Variants in OTOGL observed in about 807,000 individuals in gnomAD.
OTOGL encodes the protein otogelin-like protein.
Under a neutral mutation model 318.5 loss-of-function variants are expected in OTOGL, and 285 were observed. The observed-to-expected ratio is 0.89, with a 90% CI of 0.81 to 0.99. The LOEUF (loss-of-function observed/expected upper bound fraction) is 0.99, where lower values mean the gene tolerates loss of function less well. Among genes scored for constraint, OTOGL ranks in the 50% least tolerant of loss-of-function variants. The pLI, the probability that OTOGL is intolerant of heterozygous loss-of-function variation, is 0.00. For synonymous variants in OTOGL, 987 were observed against 936.5 expected (o/e 1.05, Z -0.99); for missense variants, 2,899 against 2,845.6 (o/e 1.02, Z -0.43).
intron 26 of OTOGL, 37 bp from the exon 27 acceptor site, chr12:80,296,790 A>G: frequency 7.5e-7 from 1 of 1,327,592 alleles, no homozygotes. Context: ...TATAGGTTGT[A>G]TATATTTGTA....
intron 8 of OTOGL, among the ~76,000 whole-genome samples, chr12:80,230,466 C>T (rs762245440): frequency 2.4e-4 from 37 of 152,050 alleles, no homozygotes; most frequent in Non-Finnish European, 1.5e-4. Flanking sequence ...TTAGGATTCT[C>T]TATATGGAAT....
In OTOGL at chr12:80,355,721, G is replaced by A. The variant is rs1179299142; in HGVS notation, c.5594-15G>A. 6.2e-7 allele frequency: 1 copy of A among 1,602,354 alleles called. No homozygotes were observed. The highest frequency in any genetic ancestry group is 1.7e-5 in the Admixed American group (1 of 58,772). On this transcript the variant is annotated splice_polypyrimidine_tract_variant and intron_variant, in intron 46 of 58. Transcript: ENST00000547103. ...CCCAGGTTTTGAGTGTTATAATACT[G>A]TTGATCTTTTTAAGCATGCACTGAT...
chr12:80,249,238 G>A (rs1226015817), intron 11 of OTOGL, among the ~76,000 whole-genome samples: 14 of 149,912 alleles, frequency 9.3e-5, no homozygotes, highest in African/African-American at 2.5e-4. Context: ...GAGGAGAGGC[G>A]CTCTGCGTTT....
intron 1 of OTOGL, among the ~76,000 whole-genome samples, chr12:80,148,673 C>G (rs1205151144): frequency 1.3e-5 from 2 of 152,186 alleles, no homozygotes; most frequent in African/African-American, 2.4e-5. Context: ...CCATTCTCCT[C>G]GTCACTTTCA....
intron 1 of OTOGL, among the ~76,000 whole-genome samples, chr12:80,199,512 C>T (rs1343338642): frequency 1.3e-5 from 2 of 152,186 alleles, no homozygotes; most frequent in African/African-American, 4.8e-5. Context: ...ATTCATTGAG[C>T]TATTTCTTCT....
intron 1 of OTOGL, among the ~76,000 whole-genome samples, chr12:80,191,338 T>A (rs1001121885): frequency 6.6e-6 from 1 of 152,140 alleles, no homozygotes; most frequent in African/African-American, 2.4e-5. Context: ...CTCGGGAGGC[T>A]GAGACAGGAG....
intron 1 of OTOGL, among the ~76,000 whole-genome samples, chr12:80,106,938 A>G (rs1316792664): frequency 6.6e-6 from 1 of 151,780 alleles, no homozygotes; most frequent in Non-Finnish European, 1.5e-5. Context: ...TAAAAATTTT[A>G]ATGAATTACC....
chr12:80,213,735 A>G (rs1451677698), intron 4 of OTOGL, among the ~76,000 whole-genome samples: 1 of 152,172 alleles, frequency 6.6e-6, no homozygotes, highest in Non-Finnish European at 1.5e-5. Context: ...GACTTGTACT[A>G]CTTCCTAAGG....
At chr12:80,250,474 G>C (rs1390318615) in intron 11 of OTOGL, among the ~76,000 whole-genome samples, 1 of 152,128 alleles carries the variant, frequency 6.6e-6, no homozygotes, top group African/African-American at 2.4e-5. Context: ...CACCGTTAAT[G>C]TAGGAAAGAA....
intron 37 of OTOGL, among the ~76,000 whole-genome samples, chr12:80,330,771 T>C (rs1888018278): frequency 6.6e-6 from 1 of 152,192 alleles, no homozygotes; most frequent in Admixed American, 6.5e-5. Flanking sequence ...ATCATATGAG[T>C]TCAGCAAGGT....
intron 1 of OTOGL, among the ~76,000 whole-genome samples, chr12:80,126,928 C>T (rs933257276): frequency 6.6e-5 from 10 of 152,190 alleles, no homozygotes; most frequent in Admixed American, 1.3e-4. Flanking sequence ...TTTGAGCCTA[C>T]GTGTGTCTCT....
chr12:80,276,650 C>T (rs1047577534), intron 24 of OTOGL, among the ~76,000 whole-genome samples: 1 of 151,612 alleles, frequency 6.6e-6, no homozygotes. Flanking sequence ...ATTCAAAGCT[C>T]AGGATGCATA....
intron 57 of OTOGL, among the ~76,000 whole-genome samples, chr12:80,373,191 T>C (rs1451743687): frequency 6.6e-6 from 1 of 152,082 alleles, no homozygotes; most frequent in Non-Finnish European, 1.5e-5. Context: ...CACAGCACTT[T>C]GGGAGGCCAA....
At position 80,209,493 on chromosome 12, in the gene OTOGL, TG is replaced by T. The variant is rs376104832; in HGVS notation, c.63del (p.Leu22CysfsTer14). 92 of 1,497,204 alleles carry T rather than the reference TG, an allele frequency of 6.1e-5. No homozygotes were observed. Among genetic ancestry groups the T allele is most frequent in the Non-Finnish European group, 7.9e-5 (88 of 1,114,584 alleles). The allele number at this position is 1,497,204 out of a possible 1,614,324, so 92.7% of individuals were successfully genotyped here. Reference sequence around the variant, plus strand: ...TGGAGTATATTCTTGCTTCATGTACTGCTGTTTTCATTACAAGGTAAGAACT... The same window carrying T: ...TGGAGTATATTCTTGCTTCATGTACTCTGTTTTCATTACAAGGTAAGAACT... The part of the protein sequence containing the change: ...IPWSIFLLHV[L>X]LFSLQEYICA... On this transcript the variant is annotated frameshift_variant, in exon 2 of 59. Transcript: ENST00000547103. LOFTEE classifies it high-confidence loss of function.
intron 57 of OTOGL, 133 bp downstream of exon 57, chr12:80,372,197 T>C (rs1278003473): frequency 8.8e-6 from 5 of 568,138 alleles, no homozygotes; most frequent in Non-Finnish European, 1.3e-5. Flanking sequence ...TATTTTTGTA[T>C]CGTATGTTTT....
chr12:80,125,707 A>G (rs1258710818), intron 1 of OTOGL, among the ~76,000 whole-genome samples: 3 of 152,078 alleles, frequency 2.0e-5, no homozygotes, highest in African/African-American at 7.2e-5. Flanking sequence ...TTATTGCCTC[A>G]ATTTCAGAGC....
intron 43 of OTOGL, among the ~76,000 whole-genome samples, chr12:80,341,091 G>A (rs940462079): frequency 6.6e-6 from 1 of 152,064 alleles, no homozygotes; most frequent in African/African-American, 2.4e-5. Context: ...ATAGCCCAGA[G>A]TCTTGGGAAT....
chr12:80,260,134 A>C (rs1882408335), intron 18 of OTOGL, among the ~76,000 whole-genome samples: 1 of 152,154 alleles, frequency 6.6e-6, no homozygotes, highest in African/African-American at 2.4e-5. Context: ...GAACTGAGGT[A>C]GAATGTTTAG....
intron 7 of OTOGL, 101 bp from the exon 8 acceptor site, chr12:80,229,156 G>A (rs1879139458): frequency 2.3e-6 from 3 of 1,310,112 alleles, no homozygotes; most frequent in South Asian, 1.4e-5. Flanking sequence ...AAAGTGTCAT[G>A]GGACTAATGA....
Sources: allele counts gnomAD v4.1 joint callset (sites outside exome capture counted in the v4.1 genomes callset), GRCh38; gene constraint gnomAD v4.1.1; transcripts MANE v1.5; gene names NCBI Gene and HGNC (gene_info 2026-07-23, HGNC 2026-07-21).